Variants in MGAT5B observed in about 807,000 individuals in gnomAD.
MGAT5B encodes the protein N-acetylglucosaminyl-transferase Vb.
A neutral mutation model predicts 95.1 loss-of-function variants in MGAT5B; 54 were observed. That is an observed-to-expected ratio of 0.57 (90% CI 0.46 to 0.71). The LOEUF (loss-of-function observed/expected upper bound fraction) is 0.71, where lower values mean the gene tolerates loss of function less well. MGAT5B is among the 30% of genes least tolerant of loss of function. The pLI, the probability that MGAT5B is intolerant of heterozygous loss-of-function variation, is 0.00. For synonymous variants in MGAT5B, 464 were observed against 451.0 expected, an observed-to-expected ratio of 1.03 and a Z score of -0.36; for missense variants, 935 against 1,088.6, an observed-to-expected ratio of 0.86 and a Z score of 1.99.
rs1178116905 is a variant in MGAT5B at position 76,889,788 on chromosome 17, G to A, written c.329+7490G>A. On this transcript the variant is annotated intron_variant, in intron 3 of 17. Coordinates refer to ENST00000569840, the MANE Select transcript of MGAT5B (RefSeq NM_001199172.2). The surrounding 1 kb of genome is among the most constrained non-coding windows in gnomAD (Gnocchi z 4.4). ...GCCTGCACTGTTGTCACAGCCCCAC[G>A]GTGCCGAGAGCCGGACCAACCACAT... Among the ~76,000 whole-genome samples the A allele has an allele frequency of 2.0e-5, 3 of 152,144 alleles. No homozygotes were observed. The highest frequency in any genetic ancestry group is 3.9e-4 in the East Asian group (2 of 5,190).
chr17:76,911,105 AG>A (rs1968718088), intron 8 of MGAT5B, among the ~76,000 whole-genome samples: 1 of 152,204 alleles, frequency 6.6e-6, no homozygotes, highest in Non-Finnish European at 1.5e-5. Context: ...GAAACTTACC[AG>A]TGTTTGGGCC....
intron 5 of MGAT5B, 52 bp downstream of exon 5, chr17:76,903,428 C>CAGAG: frequency 1.4e-6 from 2 of 1,471,164 alleles, no homozygotes; most frequent in Non-Finnish European, 9.3e-7. Flanking sequence ...GCCTCTCTGT[C>CAGAG]TGGCCCTGGC....
Position 76,906,822 on chromosome 17 carries a change from A to C in MGAT5B, c.1025+635A>C, listed in dbSNP as rs1968547331. Among the ~76,000 whole-genome samples, 1 of 152,094 alleles carries C rather than the reference A, an allele frequency of 6.6e-6. No homozygotes were observed. The highest frequency in any genetic ancestry group is 6.6e-5 in the Admixed American group (1 of 15,254). ...AATCACTGTTTCTGTGGGATGTAGG[A>C]ATACAGGAGATTCTTCTCTTTATTA... On this transcript the variant is annotated intron_variant, in intron 8 of 17. Coordinates refer to ENST00000569840, the MANE Select transcript of MGAT5B (RefSeq NM_001199172.2). The surrounding 1 kb of genome is among the most constrained non-coding windows in gnomAD (Gnocchi z 4.6).
chr17:76,935,558 G>T (rs1969623058), intron 12 of MGAT5B, among the ~76,000 whole-genome samples: 1 of 147,966 alleles, frequency 6.8e-6, no homozygotes, highest in East Asian at 2.0e-4. Flanking sequence ...TTTTCCTAAT[G>T]ACTAATGATG....
At position 76,878,965 on chromosome 17, in the gene MGAT5B, C is replaced by T. The variant is rs544792439; in HGVS notation, c.182-3186C>T. ...CGGTGACCTGCTCACCTGTCTGGTCCGCAGCAGAGCGGGCCTGGAGTCCAG... is the reference window on the plus strand; with the variant it reads ...CGGTGACCTGCTCACCTGTCTGGTCTGCAGCAGAGCGGGCCTGGAGTCCAG... On this transcript the variant is annotated intron_variant, in intron 2 of 17. Coordinates refer to ENST00000569840, the MANE Select transcript of MGAT5B (RefSeq NM_001199172.2). Among the ~76,000 whole-genome samples, 20 of 151,432 alleles carry T rather than the reference C, an allele frequency of 1.3e-4. No individual in the cohort carries two copies. In the South Asian group the frequency reaches 2.3e-3, roughly 17 times the overall value.
chr17:76,899,924 C>T (rs1054521715), intron 3 of MGAT5B, among the ~76,000 whole-genome samples: 43 of 152,134 alleles, frequency 2.8e-4, no homozygotes, highest in Admixed American at 2.8e-3. Context: ...GGTTGATGTG[C>T]CCTGGTCTAA....
At chr17:76,882,483 G>A (rs1451076255) in intron 3 of MGAT5B, 185 bp downstream of exon 3, 2 of 676,472 alleles carry the variant, frequency 3.0e-6, no homozygotes, top group Non-Finnish European at 4.5e-6. Flanking sequence ...CACATTTGTG[G>A]CCTGTTTTCC....
intron 6 of MGAT5B, 23 bp downstream of exon 6, chr17:76,904,445 C>T: frequency 6.5e-7 from 1 of 1,546,450 alleles, no homozygotes; most frequent in Non-Finnish European, 8.7e-7. Context: ...GGTGGGTGGG[C>T]CGGTGAGGGG....
chr17:76,885,320 C>T (rs977403761), intron 3 of MGAT5B, among the ~76,000 whole-genome samples: 1 of 152,214 alleles, frequency 6.6e-6, no homozygotes, highest in African/African-American at 2.4e-5. Context: ...TCATTCTTTT[C>T]TGCTTTCCTG....
chr17:76,926,760 C>T (rs1037028951), intron 10 of MGAT5B, 30 bp downstream of exon 10: 14 of 1,607,976 alleles, frequency 8.7e-6, no homozygotes, highest in Admixed American at 8.4e-5. Context: ...GGGGTGGGGT[C>T]GGAGGTCCTC....
At chr17:76,900,469 G>A (rs1461729035) in intron 3 of MGAT5B, among the ~76,000 whole-genome samples, 1 of 152,202 alleles carries the variant, frequency 6.6e-6, no homozygotes, top group Non-Finnish European at 1.5e-5. Flanking sequence ...CATGGCTGGT[G>A]TTCTTATAAA....
At chr17:76,909,736 T>G (rs1039048114) in intron 8 of MGAT5B, among the ~76,000 whole-genome samples, 1 of 151,998 alleles carries the variant, frequency 6.6e-6, no homozygotes, top group African/African-American at 2.4e-5. Flanking sequence ...CTGTATTGAG[T>G]AGTGGGAGAA....
chr17:76,918,213 AC>A lies in MGAT5B; in HGVS notation c.1026-6748del, dbSNP rs1969007669. 6.6e-6 allele frequency among the ~76,000 whole-genome samples: 1 copy of A among 151,098 alleles called. No individual in the cohort carries two copies. Among genetic ancestry groups the A allele is most frequent in the East Asian group, 1.9e-4 (1 of 5,132 alleles). ...CCAACAACTGCACGCCTTGTACCGC[AC>A]CCCCACCCCCGCACCCATGCTTTGT... On this transcript the variant is annotated intron_variant, in intron 8 of 17. Transcript: ENST00000569840. The surrounding 1 kb of genome is among the most constrained non-coding windows in gnomAD (Gnocchi z 5.1).
In MGAT5B at chr17:76,882,291, G is replaced by A. The variant is rs147299608; in HGVS notation, c.322G>A (p.Ala108Thr). 3.5e-3 allele frequency: 5,705 copies of A among 1,610,686 alleles called. 15 individuals are homozygous for A. Among genetic ancestry groups the A allele is most frequent in the Non-Finnish European group, 4.2e-3 (4,928 of 1,178,950 alleles). Residue 108 changes from alanine to threonine, a missense_variant, in exon 3 of 18, where the codon GCA becomes ACA. Around this residue, in one of 4 missense-constraint regions of MGAT5B, gnomAD observed 243 missense variants for 228.2 expected, o/e 1.06. Transcript: ENST00000569840. ...HRAGGDLHFP[A>T]DRMPPGAGLM... ...GGCCGGCGGCGACCTGCACTTTCCCGCAGACAGGTGAGGGGACGTGGGGAG... is the reference window on the plus strand; with the variant it reads ...GGCCGGCGGCGACCTGCACTTTCCCACAGACAGGTGAGGGGACGTGGGGAG...
chr17:76,939,231 G>T (rs535715115), intron 13 of MGAT5B, among the ~76,000 whole-genome samples: 4 of 151,908 alleles, frequency 2.6e-5, no homozygotes, highest in Non-Finnish European at 4.4e-5. Context: ...CAGGTGCGGT[G>T]GCTCACACCT....
intron 3 of MGAT5B, among the ~76,000 whole-genome samples, chr17:76,894,550 C>T (rs1486291231): frequency 6.6e-6 from 1 of 152,118 alleles, no homozygotes; most frequent in African/African-American, 2.4e-5. Context: ...ATGTCAGGTA[C>T]CTTCCTCCAT....
intron 8 of MGAT5B, among the ~76,000 whole-genome samples, chr17:76,923,592 C>T (rs1042672470): frequency 1.3e-5 from 2 of 152,186 alleles, no homozygotes; most frequent in Admixed American, 6.5e-5. Flanking sequence ...CTGCCCATCC[C>T]TCCACCAATG....
intron 8 of MGAT5B, among the ~76,000 whole-genome samples, chr17:76,922,464 TAC>T (rs2145230947): frequency 6.6e-6 from 1 of 152,358 alleles, no homozygotes; most frequent in East Asian, 1.9e-4. Flanking sequence ...CCATCAGTTT[TAC>T]TGGAGGAGTT....
At chr17:76,931,925 T>TG (rs945441044) in intron 10 of MGAT5B, among the ~76,000 whole-genome samples, 2 of 152,104 alleles carry the variant, frequency 1.3e-5, no homozygotes, top group African/African-American at 4.8e-5. Flanking sequence ...GAGTCCCTAC[T>TG]GGTCACCCGG....
Sources: allele counts gnomAD v4.1 joint callset (sites outside exome capture counted in the v4.1 genomes callset), GRCh38; gene constraint gnomAD v4.1.1; regional missense constraint gnomAD v4.1.1; non-coding constraint Gnocchi (gnomAD v3.1); transcripts MANE v1.5; gene names NCBI Gene and HGNC (gene_info 2026-07-23, HGNC 2026-07-21).